RAB30: variants seen among roughly 807,000 people sequenced by gnomAD.
RAB30 encodes the protein RAB30, member RAS oncogene family, also known as ras-related protein Rab-30.
A neutral mutation model predicts 25.1 loss-of-function variants in RAB30; 9 were observed. That is an observed-to-expected ratio of 0.36 (90% confidence interval 0.22 to 0.63). The LOEUF (loss-of-function observed/expected upper bound fraction) is 0.63. RAB30 is among the 20% of genes least tolerant of loss of function. RAB30 has a pLI of 0.69. For synonymous variants in RAB30, 77 were observed against 86.4 expected (o/e 0.89, Z 0.60); for missense variants, 140 against 243.5 (o/e 0.58, Z 2.83).
intron 1 of RAB30, among the ~76,000 whole-genome samples, chr11:83,061,584 C>G (rs965836876): frequency 1.3e-5 from 2 of 151,728 alleles, no homozygotes; most frequent in Non-Finnish European, 2.9e-5. Flanking sequence ...GAAAAAGTAT[C>G]TGTGTGTGTG....
At chr11:82,988,139 T>G (rs1368586325) in intron 3 of RAB30, among the ~76,000 whole-genome samples, 1 of 152,184 alleles carries the variant, frequency 6.6e-6, no homozygotes, top group African/African-American at 2.4e-5. Context: ...TTCCTCACAG[T>G]AACCCTATGA....
chr11:82,973,705 A>G lies in RAB30; in HGVS notation c.*8460T>C, dbSNP rs1160457811. 6.6e-6 allele frequency: 1 copy of G among 152,348 alleles called. No homozygotes were observed. Among genetic ancestry groups the G allele is most frequent in the East Asian group, 1.9e-4 (1 of 5,192 alleles). 9.4% of individuals were successfully genotyped at this position (152,348 alleles called of 1,614,324 possible). The stretch of plus-strand genomic sequence containing the variant: ...GTTGCACTCTCCAAACAGGATTGCA[A>G]GAGGTTCTACGTAAATAAACATAAA... On this transcript the variant is annotated 3_prime_UTR_variant, in exon 5 of 5. Transcript: ENST00000527633.
At chr11:82,992,208 G>A (rs1856864264) in intron 3 of RAB30, 1 of 427,516 alleles carries the variant, frequency 2.3e-6, no homozygotes, top group South Asian at 1.7e-5. Context: ...AATGCCTCCT[G>A]AGCACACTCC....
At chr11:83,035,796 C>T (rs1438058976) in intron 1 of RAB30, 1 of 152,294 alleles carries the variant, frequency 6.6e-6, no homozygotes, top group Non-Finnish European at 1.5e-5. Context: ...CTCAGTGCAA[C>T]AGCTGACACC....
intron 1 of RAB30, among the ~76,000 whole-genome samples, chr11:83,050,315 A>G (rs927339804): frequency 6.6e-6 from 1 of 151,926 alleles, no homozygotes; most frequent in Non-Finnish European, 1.5e-5. Flanking sequence ...ATTTGTTTGC[A>G]TGATTGTCTC....
chr11:83,042,081 C>A (rs980261341), intron 1 of RAB30, among the ~76,000 whole-genome samples: 6 of 151,328 alleles, frequency 4.0e-5, no homozygotes, highest in African/African-American at 1.5e-4. Flanking sequence ...CACTCCTCTA[C>A]TATTTGTTCA....
At chr11:83,060,109 G>A (rs944215923) in intron 1 of RAB30, 1 of 152,458 alleles carries the variant, frequency 6.6e-6, no homozygotes, top group South Asian at 2.1e-4. Context: ...GGCTGAGGCA[G>A]GAGAATTGCT....
intron 1 of RAB30, among the ~76,000 whole-genome samples, chr11:83,060,722 G>A (rs946513406): frequency 1.3e-5 from 2 of 152,156 alleles, no homozygotes; most frequent in Non-Finnish European, 2.9e-5. Context: ...AATTTTAGGT[G>A]TCAACTTGAT....
intron 3 of RAB30, among the ~76,000 whole-genome samples, chr11:82,989,254 G>T (rs1856800895): frequency 6.6e-6 from 1 of 152,118 alleles, no homozygotes; most frequent in South Asian, 2.1e-4. Context: ...ATGCTCCCAT[G>T]CTGCTGTTGC....
intron 1 of RAB30, among the ~76,000 whole-genome samples, chr11:83,007,258 G>A (rs557035861): frequency 6.6e-6 from 1 of 152,310 alleles, no homozygotes; most frequent in Non-Finnish European, 1.5e-5. Context: ...GTCAGGGGTG[G>A]CTGGCATGAA....
chr11:83,033,769 A>C (rs1857928293), intron 1 of RAB30, among the ~76,000 whole-genome samples: 1 of 152,188 alleles, frequency 6.6e-6, no homozygotes. Context: ...TAAAAATCTC[A>C]ATCCTCTTTA....
At chr11:83,017,417 GGTGGT>G (rs1403043998) in intron 1 of RAB30, among the ~76,000 whole-genome samples, 5 of 152,078 alleles carry the variant, frequency 3.3e-5, no homozygotes, top group Admixed American at 6.6e-5. Flanking sequence ...TTGGGGAACA[GGTGGT>G]TTTTTGTTAC....
chr11:83,003,440 T>C (rs1590845934), intron 1 of RAB30, among the ~76,000 whole-genome samples: 2 of 152,196 alleles, frequency 1.3e-5, no homozygotes, highest in East Asian at 3.8e-4. Context: ...TTCTTTTTTT[T>C]AGACGGAATT....
At chr11:83,071,158 C>T (rs139544198) in intron 1 of RAB30, among the ~76,000 whole-genome samples, 158 of 152,356 alleles carry the variant, frequency 1.0e-3, no homozygotes, top group African/African-American at 3.6e-3. Context: ...AAAGGCGAGA[C>T]AAACCACATA....
chr11:83,036,168 C>CTTT (rs1187623873), intron 1 of RAB30, among the ~76,000 whole-genome samples: 5 of 138,124 alleles, frequency 3.6e-5, no homozygotes, highest in Non-Finnish European at 8.0e-5. Context: ...GGTTCAAATT[C>CTTT]TTTTTTTTTT....
chr11:83,026,934 G>A (rs896086475), intron 1 of RAB30, among the ~76,000 whole-genome samples: 1 of 152,282 alleles, frequency 6.6e-6, no homozygotes, highest in Middle Eastern at 3.4e-3. Context: ...GAATTCAGCT[G>A]ATTTAAACCA....
intron 1 of RAB30, among the ~76,000 whole-genome samples, chr11:83,067,161 T>G (rs1055935975): frequency 2.0e-5 from 3 of 152,196 alleles, no homozygotes; most frequent in African/African-American, 7.2e-5. Context: ...TGTACGTGAT[T>G]ATTTACGTTT....
chr11:83,059,736 T>A (rs1858528384), intron 1 of RAB30, among the ~76,000 whole-genome samples: 3 of 152,174 alleles, frequency 2.0e-5, no homozygotes, highest in Admixed American at 2.0e-4. Context: ...GCCTACTTTA[T>A]CAGATTGCTT....
At chr11:82,990,854 A>G (rs1261755863) in intron 3 of RAB30, among the ~76,000 whole-genome samples, 1 of 152,194 alleles carries the variant, frequency 6.6e-6, no homozygotes, top group Non-Finnish European at 1.5e-5. Context: ...TGTTTTAATT[A>G]TATTTTCTAC....
Sources: allele counts gnomAD v4.1 joint callset (sites outside exome capture counted in the v4.1 genomes callset), GRCh38; gene constraint gnomAD v4.1.1; transcripts MANE v1.5; gene names NCBI Gene and HGNC (gene_info 2026-07-23, HGNC 2026-07-21).